Variants in MCF2L observed in about 807,000 individuals in gnomAD.
MCF2L encodes guanine nucleotide exchange factor DBS.
A neutral mutation model predicts 153.4 loss-of-function variants in MCF2L; 97 were observed. The ratio of observed to expected loss-of-function variants is 0.63; its 90% CI spans 0.54 to 0.75. MCF2L has a LOEUF of 0.75. Ranked by LOEUF, MCF2L falls within the 30% of genes least tolerant of loss-of-function variation. The probability of loss-of-function intolerance (pLI) is 0.00; values close to 1 mark genes in which losing one functional copy is unlikely to be tolerated. For missense variants in MCF2L, 1,347 were observed against 1,495.2 expected, an observed-to-expected ratio of 0.90 and a Z score of 1.64; for synonymous variants, 659 against 632.2, an observed-to-expected ratio of 1.04 and a Z score of -0.64.
rs968917356 is a variant in MCF2L at position 112,941,680 on chromosome 13, G to A, written c.169+39309G>A. 2.0e-5 allele frequency among the ~76,000 whole-genome samples: 3 copies of A among 152,064 alleles called. No homozygotes were observed. Among genetic ancestry groups the A allele is most frequent in the African/African-American group, 7.2e-5 (3 of 41,412 alleles). On this transcript the variant is annotated intron_variant, in intron 2 of 29. Coordinates refer to the MCF2L transcript ENST00000375608. This position sits in a 1 kb window ranked among gnomAD's most constrained non-coding sequence, Gnocchi z 4.9. The stretch of plus-strand genomic sequence containing the variant: ...TGCCGAGGCAAGAGACCAAGGGCAC[G>A]AGCTGTTCCAGTATAATAAAATATA...
At position 113,014,237 on chromosome 13, in the gene MCF2L, C is replaced by T. The variant is rs114383636; in HGVS notation, c.80-526C>T. Among the ~76,000 whole-genome samples the T allele has an allele frequency of 5.1e-3, 771 of 152,282 alleles. 7 individuals carry two copies. Among genetic ancestry groups the T allele is most frequent in the African/African-American group, 0.017 (716 of 41,560 alleles). ...GTTGCCATCCTGCCTCATTTGTGTC[C>T]GTCTAATGGCGAGGCCAGGGTTGTG... is the stretch of plus-strand genomic sequence containing the variant. On this transcript the variant is annotated intron_variant, in intron 1 of 29. Coordinates refer to ENST00000535094, the MANE Select transcript of MCF2L (RefSeq NM_001112732.3).
At chr13:113,029,181 G>A (rs1245327007) in intron 3 of MCF2L, among the ~76,000 whole-genome samples, 1 of 152,196 alleles carries the variant, frequency 6.6e-6, no homozygotes, top group African/African-American at 2.4e-5. Context: ...CCCACAGAAG[G>A]GAAGCTGCGG....
chr13:113,048,935 T>C (rs1389045800), intron 4 of MCF2L, among the ~76,000 whole-genome samples: 1 of 152,118 alleles, frequency 6.6e-6, no homozygotes, highest in Non-Finnish European at 1.5e-5. Context: ...GGAGGGTGGC[T>C]GAGCCATGGG....
Position 113,027,167 on chromosome 13 carries a change from G to T in MCF2L, c.278+2409G>T, listed in dbSNP as rs1390156545. On this transcript the variant is annotated intron_variant, in intron 3 of 29. Coordinates refer to ENST00000535094, the MANE Select transcript of MCF2L (RefSeq NM_001112732.3). The surrounding 1 kb of genome is among the most constrained non-coding windows in gnomAD (Gnocchi z 4.8). ...TGCAGCCGTGGCCATTACCGTGAAG[G>T]TTCTTCATTCTTCAGTCTTTAAAGA... is the stretch of plus-strand genomic sequence containing the variant. The T allele has an allele frequency of 3.0e-6, 2 of 664,348 alleles. No individual in the cohort carries two copies. Among genetic ancestry groups the T allele is most frequent in the Non-Finnish European group, 5.5e-6 (2 of 364,350 alleles). 41.2% of individuals were successfully genotyped at this position (664,348 alleles called of 1,614,324 possible). A position where few individuals can be genotyped will look rare whatever the true frequency, so the allele number is the denominator to read the frequency against.
At chr13:112,899,130 C>T (rs1055218200) in intron 1 of MCF2L, among the ~76,000 whole-genome samples, 15 of 152,258 alleles carry the variant, frequency 9.9e-5, no homozygotes, top group Non-Finnish European at 1.5e-4. Context: ...ACCGAGCAAA[C>T]GAGTCACAAA....
intron 1 of MCF2L, chr13:113,001,658 T>C (rs1243789420): frequency 2.3e-6 from 3 of 1,314,420 alleles, no homozygotes; most frequent in Admixed American, 4.0e-5. Context: ...GTCGCCAGGA[T>C]CGCAACAGTT....
intron 2 of MCF2L, chr13:112,956,653 A>G (rs564808120): frequency 1.3e-5 from 2 of 152,392 alleles, no homozygotes; most frequent in South Asian, 4.1e-4. Flanking sequence ...GGCCGGATGC[A>G]GACCTGTGTG....
At chr13:112,912,964 CTG>C (rs771000553) in intron 2 of MCF2L, among the ~76,000 whole-genome samples, 14 of 132,948 alleles carry the variant, frequency 1.1e-4, no homozygotes, top group Non-Finnish European at 1.7e-4. Flanking sequence ...GTATCTGTGT[CTG>C]TATGTATGGG....
intron 4 of MCF2L, among the ~76,000 whole-genome samples, chr13:113,058,787 A>G (rs28589473): frequency 0.78 from 104,651 of 134,268 alleles, 40,082 homozygotes; most frequent in African/African-American, 0.83. Context: ...GGCTGAGTGG[A>G]CACTGTGTAT....
intron 2 of MCF2L, among the ~76,000 whole-genome samples, chr13:112,934,706 G>T (rs562658549): frequency 3.3e-5 from 5 of 152,350 alleles, no homozygotes; most frequent in Admixed American, 2.6e-4. Context: ...AAGAGGTCAC[G>T]TGTGCTGGGG....
chr13:113,096,936 C>T lies in MCF2L; in HGVS notation c.*77C>T, dbSNP rs1353743942. 1.4e-5 allele frequency: 15 copies of T among 1,078,802 alleles called. No homozygotes were observed. In the South Asian group the frequency reaches 2.5e-4, roughly 18 times the overall value. The allele number at this position is 1,078,802 out of a possible 1,614,324, so 66.8% of individuals were successfully genotyped here. On this transcript the variant is annotated 3_prime_UTR_variant, in exon 30 of 30. Coordinates refer to ENST00000535094, the MANE Select transcript of MCF2L (RefSeq NM_001112732.3). Reference sequence around the variant, plus strand: ...GGGAGGGCGCGGCCCCCGGACGCCCCGAGGAAGGGGCACCTCACCGCCCCC... The same window carrying T: ...GGGAGGGCGCGGCCCCCGGACGCCCTGAGGAAGGGGCACCTCACCGCCCCC...
At chr13:113,066,378 C>A (rs2032363560) in intron 8 of MCF2L, among the ~76,000 whole-genome samples, 1 of 152,212 alleles carries the variant, frequency 6.6e-6, no homozygotes, top group African/African-American at 2.4e-5. Context: ...TTCTCTCGAA[C>A]CCCACAGAAA....
At chr13:113,001,732 G>T in intron 1 of MCF2L, 1 of 1,369,986 alleles carries the variant, frequency 7.3e-7, no homozygotes, top group Non-Finnish European at 9.4e-7. Flanking sequence ...CGAATCGGAG[G>T]CCCTGGGAGG....
chr13:112,967,041 G>T (rs1040084892), upstream of MCF2L, among the ~76,000 whole-genome samples: 4 of 152,200 alleles, frequency 2.6e-5, no homozygotes, highest in Non-Finnish European at 5.9e-5. Context: ...GTGCTCAGAG[G>T]GAGTGTGGCC....
At chr13:113,065,501 C>T (rs372670027) in intron 7 of MCF2L, among the ~76,000 whole-genome samples, 2 of 152,244 alleles carry the variant, frequency 1.3e-5, no homozygotes, top group Non-Finnish European at 2.9e-5. Context: ...TTTCTCATGC[C>T]GAGCAGGCGA....
At chr13:112,898,715 G>GC (rs2081091796) in intron 1 of MCF2L, among the ~76,000 whole-genome samples, 1 of 152,152 alleles carries the variant, frequency 6.6e-6, no homozygotes, top group African/African-American at 2.4e-5. Context: ...CGGCCTCCCT[G>GC]CCCCCCAAGT....
intron 4 of MCF2L, among the ~76,000 whole-genome samples, chr13:113,049,329 C>A (rs2141584886): frequency 7.6e-6 from 1 of 131,660 alleles, no homozygotes; most frequent in Non-Finnish European, 1.6e-5. Context: ...GGGTGAGGGT[C>A]TCTGCAGTGG....
At chr13:113,001,039 C>T (rs2083348797) in intron 1 of MCF2L, among the ~76,000 whole-genome samples, 1 of 147,832 alleles carries the variant, frequency 6.8e-6, no homozygotes. Context: ...CAAATGGTCT[C>T]AGGTAACTTG....
At chr13:112,938,677 C>T (rs967125169) in intron 2 of MCF2L, among the ~76,000 whole-genome samples, 3 of 152,090 alleles carry the variant, frequency 2.0e-5, no homozygotes, top group Non-Finnish European at 4.4e-5. Flanking sequence ...TTTTATCATG[C>T]TCATGTCAAC....
Sources: allele counts gnomAD v4.1 joint callset (sites outside exome capture counted in the v4.1 genomes callset), GRCh38; gene constraint gnomAD v4.1.1; non-coding constraint Gnocchi (gnomAD v3.1); transcripts MANE v1.5; gene names NCBI Gene and HGNC (gene_info 2026-07-23, HGNC 2026-07-21).